Variants in DENND1A observed in about 807,000 individuals in gnomAD.
DENND1A encodes DENN domain containing 1A.
Under a neutral mutation model 113.7 loss-of-function variants are expected in DENND1A, and 51 were observed. The ratio of observed to expected loss-of-function variants is 0.45; its 90% CI spans 0.36 to 0.57. The LOEUF (loss-of-function observed/expected upper bound fraction) is 0.57. Ranked by LOEUF, DENND1A falls within the 20% of genes least tolerant of loss-of-function variation. The pLI is 0.00. For synonymous variants in DENND1A, 565 were observed against 570.8 expected, an observed-to-expected ratio of 0.99 and a Z score of 0.14; for missense variants, 1,258 against 1,395.9, an observed-to-expected ratio of 0.90 and a Z score of 1.57.
chr9:123,401,935 G>A (rs775862168), intron 21 of DENND1A: 2 of 1,614,016 alleles, frequency 1.2e-6, no homozygotes, highest in African/African-American at 2.7e-5. Context: ...AGAATATTCT[G>A]GGTTTACATC....
At chr9:123,880,103 C>T (rs1385470042) in intron 1 of DENND1A, among the ~76,000 whole-genome samples, 1 of 152,186 alleles carries the variant, frequency 6.6e-6, no homozygotes, top group African/African-American at 2.4e-5. Context: ...ACCTCTGCTT[C>T]CCAGGTTCAA....
chr9:123,456,397 A>G (rs543849386), intron 15 of DENND1A, among the ~76,000 whole-genome samples: 11 of 152,154 alleles, frequency 7.2e-5, no homozygotes, highest in Non-Finnish European at 1.5e-4. Context: ...TTCAGGAGGT[A>G]GACTCAGCCA....
rs1340035944 is a variant in DENND1A at position 123,843,062 on chromosome 9, AC to A, written c.88+35888del. On this transcript the variant is annotated intron_variant, in intron 2 of 23. Coordinates refer to ENST00000394215, the MANE Select transcript of DENND1A (RefSeq NM_001352964.2). ...TGAAAGATACTGACATCAAAAAACT[AC>A]TTTATACCCATATTTTATGCATATT... 8 of 524,138 alleles carry A rather than the reference AC, an allele frequency of 1.5e-5. No individual in the cohort carries two copies. The Admixed American group carries it at 1.7e-4, about 11-fold the overall frequency. 32.5% of individuals were successfully genotyped at this position (524,138 alleles called of 1,614,324 possible).
intron 14 of DENND1A, 115 bp from the exon 15 acceptor site, chr9:123,457,550 C>T: frequency 1.1e-6 from 1 of 896,104 alleles, no homozygotes; most frequent in Non-Finnish European, 1.8e-6. Context: ...TAAGGTTCAA[C>T]AGGCAAGTTT....
At chr9:123,739,036 C>T (rs2068787730) in intron 5 of DENND1A, among the ~76,000 whole-genome samples, 1 of 152,206 alleles carries the variant, frequency 6.6e-6, no homozygotes, top group Admixed American at 6.5e-5. Context: ...TAGAATGTCA[C>T]ATTCCAGCCT....
At chr9:123,674,038 C>CCT (rs1336867800) in intron 6 of DENND1A, among the ~76,000 whole-genome samples, 1 of 152,054 alleles carries the variant, frequency 6.6e-6, no homozygotes, top group Non-Finnish European at 1.5e-5. Flanking sequence ...ACAGCTGCTG[C>CCT]CTCCCTTCTC....
intron 2 of DENND1A, chr9:123,798,345 C>T (rs989932229): frequency 6.6e-6 from 1 of 152,220 alleles, no homozygotes; most frequent in Middle Eastern, 3.4e-3. Flanking sequence ...TATCCTGCTC[C>T]GATGTGACTA....
rs551166452 is a variant in DENND1A, at chr9:123,821,597, A to G, written c.89-28967T>C. ...TTAATGTCTACAAAACAGATTAACTATAAGAAAGGAGACAACCTAAGCTTT... is the reference window on the plus strand; with the variant it reads ...TTAATGTCTACAAAACAGATTAACTGTAAGAAAGGAGACAACCTAAGCTTT... On this transcript the variant is annotated intron_variant, in intron 2 of 23. Transcript: ENST00000394215. Among the ~76,000 whole-genome samples, 6 of 152,372 alleles carry G rather than the reference A, an allele frequency of 3.9e-5. No homozygotes were observed. In the East Asian group the frequency reaches 1.2e-3, roughly 29 times the overall value.
intron 11 of DENND1A, among the ~76,000 whole-genome samples, chr9:123,605,566 T>A (rs1164602506): frequency 1.3e-5 from 2 of 152,172 alleles, no homozygotes; most frequent in African/African-American, 4.8e-5. Context: ...GCCACTAGCC[T>A]CAGATTGCTT....
At chr9:123,459,422 C>T (rs965884815) in intron 13 of DENND1A, among the ~76,000 whole-genome samples, 1 of 151,944 alleles carries the variant, frequency 6.6e-6, no homozygotes, top group Admixed American at 6.6e-5. Flanking sequence ...AATTAAAGAA[C>T]GGGGATGATC....
intron 20 of DENND1A, among the ~76,000 whole-genome samples, chr9:123,406,178 C>T (rs1252223156): frequency 2.6e-5 from 4 of 152,208 alleles, no homozygotes; most frequent in Admixed American, 1.3e-4. Context: ...CTTGTCAAGC[C>T]CTCAGGTCTG....
At chr9:123,600,729 G>A (rs2059903337) in intron 11 of DENND1A, among the ~76,000 whole-genome samples, 1 of 152,018 alleles carries the variant, frequency 6.6e-6, no homozygotes, top group African/African-American at 2.4e-5. Context: ...TACTTGGGAC[G>A]CTGAGGCAGG....
At chr9:123,452,583 T>C (rs1354557569) in intron 16 of DENND1A, among the ~76,000 whole-genome samples, 1 of 151,874 alleles carries the variant, frequency 6.6e-6, no homozygotes, top group Non-Finnish European at 1.5e-5. Context: ...TGTGAATTGA[T>C]GGAAGGAGAC....
At chr9:123,731,937 G>A (rs1399402485) in intron 5 of DENND1A, among the ~76,000 whole-genome samples, 4 of 152,112 alleles carry the variant, frequency 2.6e-5, no homozygotes, top group African/African-American at 9.7e-5. Context: ...TACCAAAGAA[G>A]ATATACAAAT....
chr9:123,679,610 C>T (rs1471863787), intron 5 of DENND1A, among the ~76,000 whole-genome samples: 1 of 152,170 alleles, frequency 6.6e-6, no homozygotes, highest in Non-Finnish European at 1.5e-5. Flanking sequence ...AAACCGAAAC[C>T]CAGCTGTCTT....
At position 123,929,959 on chromosome 9, in the gene DENND1A, G is replaced by C; in HGVS notation, c.-54C>G. 3.8e-6 allele frequency: 1 copy of C among 265,078 alleles called. No homozygotes were observed. The highest frequency in any genetic ancestry group is 6.9e-6 in the Non-Finnish European group (1 of 144,966). 16.4% of individuals were successfully genotyped at this position (265,078 alleles called of 1,614,324 possible). On this transcript the variant is annotated 5_prime_UTR_variant, in exon 1 of 24. Coordinates refer to ENST00000394215, the MANE Select transcript of DENND1A (RefSeq NM_001352964.2). The stretch of plus-strand genomic sequence containing the variant: ...GGCCCCGCTCGGCGCTGCGCTGCCC[G>C]CCCGCCCGCGGCCGACCGGCCTCCC...
At chr9:123,667,185 G>GAAAC in intron 7 of DENND1A, 106 bp from the exon 8 acceptor site, 1 of 1,150,754 alleles carries the variant, frequency 8.7e-7, no homozygotes, top group Non-Finnish European at 1.2e-6. Flanking sequence ...CTCAGAAAAG[G>GAAAC]AAACGGTTTC....
At chr9:123,714,497 G>T (rs928248680) in intron 5 of DENND1A, among the ~76,000 whole-genome samples, 2 of 152,182 alleles carry the variant, frequency 1.3e-5, no homozygotes, top group African/African-American at 4.8e-5. Context: ...AGCTACCAGG[G>T]AGGCTGAAGA....
intron 1 of DENND1A, among the ~76,000 whole-genome samples, chr9:123,929,281 G>A (rs1273313460): frequency 6.6e-6 from 1 of 152,208 alleles, no homozygotes; most frequent in Non-Finnish European, 1.5e-5. Context: ...TCAAGAGCAG[G>A]TGCTCGGTTA....
Sources: gnomAD v4.1 joint callset for allele counts (sites outside exome capture counted in the v4.1 genomes callset) on GRCh38, gnomAD v4.1.1 for gene constraint, MANE v1.5 for transcripts, NCBI Gene and HGNC (gene_info 2026-07-23, HGNC 2026-07-21) for gene names.